Variants in FAM178B observed in about 807,000 individuals in gnomAD.
FAM178B encodes family with sequence similarity 178 member B.
FAM178B carries 82 observed loss-of-function variants against 91.7 expected under a neutral mutation model. That is an observed-to-expected ratio of 0.89 (90% CI 0.75 to 1.07). The LOEUF (loss-of-function observed/expected upper bound fraction) is 1.07. FAM178B is among the 50% of genes least tolerant of loss of function. FAM178B has a pLI of 0.00. For missense variants in FAM178B, 769 were observed against 846.7 expected, an observed-to-expected ratio of 0.91 and a Z score of 1.14; for synonymous variants, 368 against 359.4, an observed-to-expected ratio of 1.02 and a Z score of -0.27.
At chr2:96,953,904 C>T (rs2081963357) in intron 6 of FAM178B, among the ~76,000 whole-genome samples, 1 of 152,152 alleles carries the variant, frequency 6.6e-6, no homozygotes. Context: ...GGAGGAGGAT[C>T]CCAACAGCAG....
At chr2:96,906,365 C>G (rs1162468007) in intron 12 of FAM178B, among the ~76,000 whole-genome samples, 1 of 152,014 alleles carries the variant, frequency 6.6e-6, no homozygotes, top group Non-Finnish European at 1.5e-5. Context: ...CCAAGCCCGA[C>G]CGAAAATAAT....
intron 13 of FAM178B, among the ~76,000 whole-genome samples, chr2:96,901,015 T>A (rs924054802): frequency 2.6e-5 from 4 of 152,078 alleles, no homozygotes; most frequent in Non-Finnish European, 5.9e-5. Context: ...GGAAGATTAC[T>A]GCGGAGGTGC....
At chr2:96,949,946 G>A (rs887604027) in intron 7 of FAM178B, 88 of 979,812 alleles carry the variant, frequency 9.0e-5, no homozygotes, top group Non-Finnish European at 1.0e-4. Flanking sequence ...ACAGGAGTAG[G>A]TGGCAGGGCC....
intron 8 of FAM178B, among the ~76,000 whole-genome samples, chr2:96,938,026 C>T (rs2081662293): frequency 1.3e-5 from 2 of 152,080 alleles, no homozygotes; most frequent in South Asian, 4.1e-4. Context: ...AGAGTGAGAC[C>T]TTGTCTCAAC....
intron 14 of FAM178B, 44 bp downstream of exon 14, chr2:96,893,882 G>C (rs755683983): frequency 1.3e-6 from 2 of 1,592,410 alleles, no homozygotes; most frequent in South Asian, 2.2e-5. Context: ...ACCTGTGGTG[G>C]TGGCACCGTG....
At chr2:96,934,451 G>A (rs1363200721) in intron 8 of FAM178B, among the ~76,000 whole-genome samples, 2 of 152,182 alleles carry the variant, frequency 1.3e-5, no homozygotes, top group Non-Finnish European at 2.9e-5. Context: ...GACCAGGGAT[G>A]AAGGGAAGCC....
At chr2:96,940,920 C>A (rs918511024) in intron 8 of FAM178B, among the ~76,000 whole-genome samples, 7 of 152,186 alleles carry the variant, frequency 4.6e-5, no homozygotes, top group Admixed American at 4.6e-4. Context: ...CCTCACTCGG[C>A]GGACCTGTGG....
intron 7 of FAM178B, among the ~76,000 whole-genome samples, chr2:96,949,172 A>G (rs1049477067): frequency 2.6e-5 from 4 of 152,166 alleles, no homozygotes; most frequent in Non-Finnish European, 5.9e-5. Flanking sequence ...ACACCCTATT[A>G]AAGCCCCAGG....
intron 4 of FAM178B, among the ~76,000 whole-genome samples, 160 bp downstream of exon 4, chr2:96,970,556 C>T (rs1181358077): frequency 6.6e-6 from 1 of 152,104 alleles, no homozygotes; most frequent in African/African-American, 2.4e-5. Context: ...GATGCCACCC[C>T]CTGCCCTGGC....
intron 13 of FAM178B, among the ~76,000 whole-genome samples, chr2:96,899,044 A>G (rs1235333331): frequency 1.3e-5 from 2 of 152,188 alleles, no homozygotes; most frequent in African/African-American, 4.8e-5. Context: ...CTGACAGGCC[A>G]GACTGGAAAG....
intron 1 of FAM178B, among the ~76,000 whole-genome samples, chr2:96,983,955 G>A (rs995896008): frequency 5.9e-5 from 9 of 151,968 alleles, no homozygotes; most frequent in Admixed American, 3.3e-4. Context: ...TTGTTTCAAG[G>A]TATTATGAAT....
chr2:96,899,428 G>A (rs901154881), intron 13 of FAM178B, among the ~76,000 whole-genome samples: 4 of 152,172 alleles, frequency 2.6e-5, no homozygotes, highest in East Asian at 3.8e-4. Context: ...AAACACATGG[G>A]TGCATGGTGG....
intron 12 of FAM178B, among the ~76,000 whole-genome samples, chr2:96,912,963 A>AGGAAGCTTGGAGCTGCGGC (rs1375593409): frequency 6.6e-6 from 1 of 152,154 alleles, no homozygotes; most frequent in Non-Finnish European, 1.5e-5. Flanking sequence ...GAACTGGGGG[A>AGGAAGCTTGGAGCTGCGGC]GGAAGCTTGG....
chr2:96,918,787 T>C (rs942895387), intron 12 of FAM178B, among the ~76,000 whole-genome samples: 1 of 152,198 alleles, frequency 6.6e-6, no homozygotes, highest in Admixed American at 6.5e-5. Context: ...GACAGCCCAG[T>C]GCTGCGTTCC....
At chr2:96,928,629 A>C (rs11889996) in intron 9 of FAM178B, among the ~76,000 whole-genome samples, 7 of 152,156 alleles carry the variant, frequency 4.6e-5, no homozygotes, top group African/African-American at 1.7e-4. Context: ...GATACTAACC[A>C]GGCTGTGAAG....
intron 9 of FAM178B, among the ~76,000 whole-genome samples, chr2:96,928,930 G>A (rs1006802632): frequency 2.3e-4 from 35 of 152,030 alleles, no homozygotes; most frequent in Admixed American, 7.9e-4. Context: ...CAGAAGGATC[G>A]CTTGAGCCTA....
chr2:96,898,278 G>C (rs1414683473), intron 13 of FAM178B: 1 of 252,620 alleles, frequency 4.0e-6, no homozygotes, highest in Non-Finnish European at 6.2e-6. Flanking sequence ...TGAAGTGGCG[G>C]GTGTGGTCCA....
At chr2:96,978,369 C>T (rs768495720) in intron 1 of FAM178B, among the ~76,000 whole-genome samples, 15 of 152,124 alleles carry the variant, frequency 9.9e-5, no homozygotes, top group Admixed American at 2.6e-4. Context: ...GGTGAGGTTT[C>T]GGCTTTTAGT....
intron 14 of FAM178B, among the ~76,000 whole-genome samples, chr2:96,889,177 C>A (rs1004819638): frequency 2.0e-5 from 3 of 152,208 alleles, no homozygotes; most frequent in African/African-American, 7.2e-5. Context: ...GGGGACCAGG[C>A]TCCTGGTGCC....
Sources: gnomAD v4.1 joint callset for allele counts (sites outside exome capture counted in the v4.1 genomes callset) on GRCh38, gnomAD v4.1.1 for gene constraint, MANE v1.5 for transcripts, NCBI Gene and HGNC (gene_info 2026-07-23, HGNC 2026-07-21) for gene names.